The following COG6 variants were observed in gnomAD, a reference collection of about 807,000 sequenced individuals.
The protein encoded by COG6 is component of oligomeric golgi complex 6, also known as conserved oligomeric Golgi complex subunit 6.
In COG6, 74 loss-of-function variants were observed where a neutral mutation model predicts 88.8. The observed-to-expected ratio is 0.83, with a 90% CI of 0.69 to 1.01. The LOEUF (loss-of-function observed/expected upper bound fraction) is 1.01. Among genes scored for constraint, COG6 ranks in the 50% least tolerant of loss-of-function variants. The probability of loss-of-function intolerance (pLI) is 0.00; values close to 1 mark genes in which losing one functional copy is unlikely to be tolerated. For missense variants in COG6, 800 were observed against 797.9 expected (o/e 1.00, Z -0.03); for synonymous variants, 286 against 278.7 (o/e 1.03, Z -0.26).
rs1880605408 is a variant in COG6, at chr13:39,751,159, T to C, written c.*66T>C. On this transcript the variant is annotated 3_prime_UTR_variant, in exon 19 of 19. Coordinates refer to ENST00000455146, the MANE Select transcript of COG6 (RefSeq NM_020751.3). ...AAACACTGAAGGTTATTTTTTATTC[T>C]TTGAATTTTTACTCTATAATTTGAT... The C allele has an allele frequency of 6.3e-7, 1 of 1,586,804 alleles. No homozygotes were observed. Among genetic ancestry groups the C allele is most frequent in the Non-Finnish European group, 8.6e-7 (1 of 1,164,580 alleles).
chr13:39,711,414 A>G (rs574977807), intron 13 of COG6, among the ~76,000 whole-genome samples: 61 of 152,346 alleles, frequency 4.0e-4, no homozygotes, highest in African/African-American at 1.4e-3. Flanking sequence ...AAGTAAAAAT[A>G]TCACCTATGA....
intron 7 of COG6, among the ~76,000 whole-genome samples, chr13:39,681,443 A>G (rs1876309499): frequency 6.6e-6 from 1 of 152,142 alleles, no homozygotes; most frequent in African/African-American, 2.4e-5. Flanking sequence ...GTGCTCCCGC[A>G]ACATCTTACA....
At position 39,787,741 on chromosome 13, in the gene COG6, C is replaced by T. The variant is rs192712363; in HGVS notation, c.1827-594C>T. On this transcript the variant is annotated intron_variant, in intron 18 of 18. Coordinates refer to the COG6 transcript ENST00000416691. ...AATATTTGGGAAAAAAACAACAATA[C>T]GACATTAAAACATTTTTTAAAATAC... 2.5e-3 allele frequency among the ~76,000 whole-genome samples: 387 copies of T among 152,160 alleles called. 1 individual carries two copies. Among genetic ancestry groups the T allele is most frequent in the African/African-American group, 8.7e-3 (361 of 41,492 alleles).
chr13:39,760,648 T>G (rs1441332273), intron 18 of COG6, among the ~76,000 whole-genome samples: 2 of 152,076 alleles, frequency 1.3e-5, no homozygotes, highest in Non-Finnish European at 2.9e-5. Flanking sequence ...GCAAACACAC[T>G]ACTATGATTT....
intron 3 of COG6, among the ~76,000 whole-genome samples, chr13:39,662,650 A>G (rs1566168922): frequency 6.6e-6 from 1 of 152,212 alleles, no homozygotes; most frequent in Non-Finnish European, 1.5e-5. Flanking sequence ...ATCACATATA[A>G]AAGATTGCCT....
intron 4 of COG6, among the ~76,000 whole-genome samples, chr13:39,674,629 T>G (rs1206035841): frequency 2.0e-5 from 3 of 152,200 alleles, no homozygotes; most frequent in African/African-American, 7.2e-5. Context: ...CCATTACTTA[T>G]GGTCAACTGC....
rs1005508924 is a variant in COG6 at position 39,750,952 on chromosome 13, G to C, written c.1833G>C (p.Gln611His). Residue 611 changes from glutamine to histidine, a missense_variant, in exon 19 of 19, where the codon CAG (glutamine) becomes CAC (histidine). Gln to His is a conservative substitution (Grantham distance 24). Transcript: ENST00000455146. Reference protein sequence around the residue: ...NFLLSATVKEQIVKQSTELVC... With the variant: ...NFLLSATVKEHIVKQSTELVC... ...TTTGTTTGCTTATCAATAGAGAGCA[G>C]ATCGTAAAACAATCTACAGAATTAG... 2 of 1,613,014 alleles carry C rather than the reference G, an allele frequency of 1.2e-6. No homozygotes were observed. Among genetic ancestry groups the C allele is most frequent in the Admixed American group, 1.7e-5 (1 of 59,904 alleles).
intron 8 of COG6, among the ~76,000 whole-genome samples, chr13:39,686,695 T>C (rs1876662921): frequency 6.6e-6 from 1 of 152,154 alleles, no homozygotes; most frequent in African/African-American, 2.4e-5. Flanking sequence ...ACTTTTTTAA[T>C]GTAGAAGAGA....
downstream of COG6, among the ~76,000 whole-genome samples, chr13:39,753,352 C>T (rs916289687): frequency 6.6e-6 from 1 of 152,122 alleles, no homozygotes; most frequent in Non-Finnish European, 1.5e-5. Context: ...TTTTGGGCTT[C>T]GAGCCTCCAG....
intron 18 of COG6, among the ~76,000 whole-genome samples, chr13:39,769,664 G>GA (rs1187743749): frequency 6.6e-6 from 1 of 152,154 alleles, no homozygotes; most frequent in Non-Finnish European, 1.5e-5. Flanking sequence ...GCTATAGTCT[G>GA]AAAGTTTCTG....
chr13:39,749,113 T>C (rs1880491110), intron 18 of COG6, among the ~76,000 whole-genome samples: 1 of 152,196 alleles, frequency 6.6e-6, no homozygotes, highest in African/African-American at 2.4e-5. Context: ...TTAATCTAGC[T>C]AGTCACAGTC....
At chr13:39,734,978 T>C (rs543272567) in intron 18 of COG6, among the ~76,000 whole-genome samples, 2 of 152,288 alleles carry the variant, frequency 1.3e-5, no homozygotes, top group East Asian at 3.9e-4. Flanking sequence ...TCTCTTTTTT[T>C]CAGTCTATGT....
Position 39,677,392 on chromosome 13 carries a change from C to G in COG6, c.429-76C>G, listed in dbSNP as rs575944041. The G allele has an allele frequency of 1.0e-4, 86 of 829,516 alleles. 1 individual carries two copies. The African/African-American group carries it at 1.2e-3, about 11-fold the overall frequency. The allele number at this position is 829,516 out of a possible 1,614,324, so 51.4% of individuals were successfully genotyped here. Reference sequence around the variant, plus strand: ...CCTTTGTTTTAAAAATTTATTATGTCTGAGATAGAATTTGTTTTAAAGCTA... The same window carrying G: ...CCTTTGTTTTAAAAATTTATTATGTGTGAGATAGAATTTGTTTTAAAGCTA... On this transcript the variant is annotated intron_variant, in intron 4 of 18. Coordinates refer to ENST00000455146, the MANE Select transcript of COG6 (RefSeq NM_020751.3).
At chr13:39,659,777 T>TTAACATTTC (rs1387304440) in intron 2 of COG6, among the ~76,000 whole-genome samples, 1 of 152,198 alleles carries the variant, frequency 6.6e-6, no homozygotes, top group Non-Finnish European at 1.5e-5. Flanking sequence ...AACAAAAAAA[T>TTAACATTTC]TAACATTTCC....
intron 18 of COG6, among the ~76,000 whole-genome samples, chr13:39,776,498 A>C (rs1236994147): frequency 6.6e-6 from 1 of 152,236 alleles, no homozygotes; most frequent in Non-Finnish European, 1.5e-5. Context: ...GATCTTGCAC[A>C]GTCCCCTTGC....
chr13:39,749,326 G>C (rs1385890338), intron 18 of COG6, among the ~76,000 whole-genome samples: 2 of 152,184 alleles, frequency 1.3e-5, no homozygotes, highest in Non-Finnish European at 2.9e-5. Context: ...AGGGACATGT[G>C]AACATAAACA....
At chr13:39,693,959 C>T (rs565188403) in intron 11 of COG6, among the ~76,000 whole-genome samples, 4 of 151,808 alleles carry the variant, frequency 2.6e-5, no homozygotes, top group Admixed American at 6.6e-5. Flanking sequence ...AGGACAGATA[C>T]AATATTTAAG....
At position 39,719,929 on chromosome 13, in the gene COG6, A is replaced by G. The variant is rs1158798538; in HGVS notation, c.1584+102A>G. 2.9e-5 allele frequency: 25 copies of G among 855,390 alleles called. 2 individuals are homozygous for G. In the South Asian group the frequency reaches 3.4e-4, roughly 12 times the overall value. 53.0% of individuals were successfully genotyped at this position (855,390 alleles called of 1,614,324 possible). A position where few individuals can be genotyped will look rare whatever the true frequency, so the allele number is the denominator to read the frequency against. Reference sequence around the variant, plus strand: ...AACTAGTTTTAATGACCTAATTCCTATAGATCCCTTGATATCATCTGATGA... The same window carrying G: ...AACTAGTTTTAATGACCTAATTCCTGTAGATCCCTTGATATCATCTGATGA... On this transcript the variant is annotated intron_variant, in intron 15 of 18. Coordinates refer to ENST00000455146, the MANE Select transcript of COG6 (RefSeq NM_020751.3).
intron 18 of COG6, among the ~76,000 whole-genome samples, chr13:39,736,973 C>G (rs1879782845): frequency 6.6e-6 from 1 of 152,118 alleles, no homozygotes; most frequent in Non-Finnish European, 1.5e-5. Context: ...GAAGGCTTTC[C>G]AAGTATTCAA....
Sources: gnomAD v4.1 joint callset for allele counts (sites outside exome capture counted in the v4.1 genomes callset) on GRCh38, gnomAD v4.1.1 for gene constraint, MANE v1.5 for transcripts, NCBI Gene and HGNC (gene_info 2026-07-23, HGNC 2026-07-21) for gene names.